The following AGRN variants were observed in gnomAD, a reference collection of about 807,000 sequenced individuals.
AGRN encodes the protein agrin proteoglycan.
Under a neutral mutation model 211.0 loss-of-function variants are expected in AGRN, and 106 were observed. The observed-to-expected ratio is 0.50, with a 90% CI of 0.43 to 0.59. AGRN has a LOEUF of 0.59. AGRN is among the 20% of genes least tolerant of loss of function. The pLI, the probability that AGRN is intolerant of heterozygous loss-of-function variation, is 0.00. For synonymous variants in AGRN, 1,525 were observed against 1,332.5 expected, an observed-to-expected ratio of 1.14 and a Z score of -3.15; for missense variants, 3,040 against 2,982.6, an observed-to-expected ratio of 1.02 and a Z score of -0.45.
At chr1:1,038,665 G>A (rs747065198) in intron 3 of AGRN, among the ~76,000 whole-genome samples, 1 of 152,238 alleles carries the variant, frequency 6.6e-6, no homozygotes, top group South Asian at 2.1e-4. Flanking sequence ...AGGCTCAGGA[G>A]CCCTGGTGCA....
At chr1:1,022,527 TG>T in intron 2 of AGRN, 65 bp downstream of exon 2, 1 of 1,534,952 alleles carries the variant, frequency 6.5e-7, no homozygotes, top group Non-Finnish European at 8.8e-7. Context: ...GGGGACAGGT[TG>T]CAGGGGTCGC....
intron 2 of AGRN, 93 bp downstream of exon 2, chr1:1,022,555 G>A (rs1644431828): frequency 6.5e-6 from 7 of 1,070,932 alleles, no homozygotes; most frequent in African/African-American, 2.0e-5. Context: ...GGGTCCTTTC[G>A]TGCTGTGCCG....
rs1462687668 is a variant in AGRN, at chr1:1,022,553, T to C, written c.463+91T>C. 6 of 1,122,326 alleles carry C rather than the reference T, an allele frequency of 5.3e-6. No individual in the cohort carries two copies. The East Asian group carries it at 1.1e-4, about 21-fold the overall frequency. 69.5% of individuals were successfully genotyped at this position (1,122,326 alleles called of 1,614,324 possible). ...GCAGGGGTCGCTGTGCGGGGTCCTT[T>C]CGTGCTGTGCCGGAGGCTGCAGCAC... On this transcript the variant is annotated intron_variant, in intron 2 of 35. Transcript: ENST00000379370.
intron 2 of AGRN, chr1:1,033,991 T>G: frequency 2.3e-6 from 1 of 444,070 alleles, no homozygotes; most frequent in Non-Finnish European, 3.0e-6. Context: ...TCTTCGCCCC[T>G]CACTCACCTC....
intron 6 of AGRN, 42 bp downstream of exon 6, chr1:1,041,744 G>T: frequency 6.5e-7 from 1 of 1,534,304 alleles, no homozygotes; most frequent in African/African-American, 1.4e-5. Context: ...CAGTGCCAGG[G>T]TCGAGGTGGG....
intron 7 of AGRN, among the ~76,000 whole-genome samples, chr1:1,042,690 G>A (rs1358209686): frequency 6.6e-6 from 1 of 152,190 alleles, no homozygotes; most frequent in African/African-American, 2.4e-5. Flanking sequence ...GTGTCTTCCA[G>A]CCTGACCTGC....
At chr1:1,053,004 C>A (rs553049342) in intron 33 of AGRN, 1 of 179,478 alleles carries the variant, frequency 5.6e-6, no homozygotes, top group African/African-American at 2.4e-5. Flanking sequence ...TGTGTGTGTT[C>A]GTGTACACGT....
chr1:1,050,715 C>A lies in AGRN; in HGVS notation c.5142-11C>A. ...TGGACAGAGCCCACTCACGCTGCCCCTCCTCACCAGGAGCAGGGAGCCAGT... is the reference window on the plus strand; with the variant it reads ...TGGACAGAGCCCACTCACGCTGCCCATCCTCACCAGGAGCAGGGAGCCAGT... On this transcript the variant is annotated splice_polypyrimidine_tract_variant and intron_variant, in intron 29 of 35. Coordinates refer to ENST00000379370, the MANE Select transcript of AGRN (RefSeq NM_198576.4). 6.2e-7 allele frequency: 1 copy of A among 1,600,862 alleles called. No individual in the cohort carries two copies. Among genetic ancestry groups the A allele is most frequent in the Non-Finnish European group, 8.5e-7 (1 of 1,176,156 alleles).
At chr1:1,020,681 A>AG (rs199682825) in intron 1 of AGRN, among the ~76,000 whole-genome samples, 45,273 of 151,540 alleles carry the variant, frequency 0.3, 6,952 homozygotes, top group Non-Finnish European at 0.33. Flanking sequence ...GGGCCTGGGG[A>AG]GGGGGGGCCT....
chr1:1,047,941 C>G (rs1645148550), intron 22 of AGRN, 46 bp downstream of exon 22: 1 of 1,593,654 alleles, frequency 6.3e-7, no homozygotes, highest in East Asian at 2.3e-5. Context: ...CCCTCCTCTG[C>G]CCATGCCCCT....
At chr1:1,052,714 A>G in intron 33 of AGRN, 1 of 147,766 alleles carries the variant, frequency 6.8e-6, no homozygotes. Context: ...GTGTGTGTAT[A>G]TGAGGGAGAC....
At chr1:1,051,416 G>A (rs757032954) in intron 31 of AGRN, 37 bp from the exon 32 acceptor site, 35 of 1,541,818 alleles carry the variant, frequency 2.3e-5, no homozygotes, top group Non-Finnish European at 3.0e-5. Flanking sequence ...GGCGGGCGGG[G>A]TGGCAGGCGG....
At chr1:1,041,441 C>G (rs996731716) in intron 5 of AGRN, 37 bp from the exon 6 acceptor site, 1 of 1,557,514 alleles carries the variant, frequency 6.4e-7, no homozygotes, top group Non-Finnish European at 8.6e-7. Flanking sequence ...TGTGGGCGCG[C>G]GGCGACAGCG....
chr1:1,038,890 C>T (rs567959135), intron 3 of AGRN, among the ~76,000 whole-genome samples: 1 of 152,220 alleles, frequency 6.6e-6, no homozygotes, highest in Admixed American at 6.5e-5. Context: ...AGTGAAAGGG[C>T]CAGGGGTGCA....
At position 1,049,276 on chromosome 1, in the gene AGRN, G is replaced by A. The variant is rs201436229; in HGVS notation, c.4339G>A (p.Val1447Met). 815 of 1,595,508 alleles carry A rather than the reference G, an allele frequency of 5.1e-4. 2 individuals are homozygous for A. Among genetic ancestry groups the A allele is most frequent in the Non-Finnish European group, 6.1e-4 (716 of 1,177,884 alleles). The change falls in exon 25 of 36, where the codon GTG becomes ATG. Residue 1447 changes from valine (V) to methionine (M), a missense_variant. By Grantham distance (21) the Val-to-Met change is conservative. Coordinates refer to ENST00000379370, the MANE Select transcript of AGRN (RefSeq NM_198576.4). ...GSGPAVLTSA[V>M]PVEPGQWHRL... ...GGGGCCGGCGGTGCTGACCAGTGCCGTGCCGGTAGAGCCGGGCCAGTGGCA... is the reference window on the plus strand; with the variant it reads ...GGGGCCGGCGGTGCTGACCAGTGCCATGCCGGTAGAGCCGGGCCAGTGGCA...
chr1:1,042,401 G>A lies in AGRN; in HGVS notation c.1384+239G>A, dbSNP rs533920735. Among the ~76,000 whole-genome samples, 280 of 152,264 alleles carry A rather than the reference G, an allele frequency of 1.8e-3. 2 individuals carry two copies. Among genetic ancestry groups the A allele is most frequent in the African/African-American group, 6.5e-3 (271 of 41,532 alleles). On this transcript the variant is annotated intron_variant, in intron 7 of 35. Transcript: ENST00000379370. Reference sequence around the variant, plus strand: ...CTCCCTGGTCCCTGACCTCAGCCACGCCCTCCCTGGGAGTCCTCTGGCCTG... The same window carrying A: ...CTCCCTGGTCCCTGACCTCAGCCACACCCTCCCTGGGAGTCCTCTGGCCTG...
rs185930198 is a variant in AGRN, at chr1:1,029,915, T to C, written c.464-5362T>C. 1.3e-4 allele frequency among the ~76,000 whole-genome samples: 8 copies of C among 61,690 alleles called. 2 individuals carry two copies. Among genetic ancestry groups the C allele is most frequent in the African/African-American group, 3.9e-4 (7 of 17,986 alleles). The allele number at this position is 61,690 out of a possible 152,430, so 40.5% of individuals were successfully genotyped here. Reference sequence around the variant, plus strand: ...GAGATCAGTGTGTGTGTGTGTGCAGTGCATGGTGCTGTGTGAGATCAGCAT... The same window carrying C: ...GAGATCAGTGTGTGTGTGTGTGCAGCGCATGGTGCTGTGTGAGATCAGCAT... On this transcript the variant is annotated intron_variant, in intron 2 of 35. Coordinates refer to ENST00000379370, the MANE Select transcript of AGRN (RefSeq NM_198576.4).
Position 1,044,358 on chromosome 1 carries a change from T to C in AGRN, c.2173T>C (p.Tyr725His), listed in dbSNP as rs754737851. Reference protein sequence around the residue: ...SPVCGSDGVTYSTECELKKAR... With the variant: ...SPVCGSDGVTHSTECELKKAR... The stretch of plus-strand genomic sequence containing the variant: ...GGTGTGCGGCTCAGATGGGGTCACC[T>C]ACAGCACCGAGTGTGAGCTGAAGAA... The change falls in exon 12 of 36, where the codon TAC (tyrosine) becomes CAC (histidine). Residue 725 changes from tyrosine (Y) to histidine (H), a missense_variant. Tyr to His is a moderately conservative substitution (Grantham distance 83). Around this residue, in one of 3 missense-constraint regions of AGRN, gnomAD observed 1,498 missense variants for 1,457.8 expected, o/e 1.03. Coordinates refer to ENST00000379370, the MANE Select transcript of AGRN (RefSeq NM_198576.4). 2.5e-6 allele frequency: 4 copies of C among 1,612,600 alleles called. No homozygotes were observed. In the East Asian group the frequency reaches 8.9e-5, roughly 36 times the overall value.
rs2100705658 is a variant in AGRN, at chr1:1,055,226, C to G, written c.*245C>G. The G allele has an allele frequency of 1.6e-6, 1 of 612,548 alleles. No homozygotes were observed. The highest frequency in any genetic ancestry group is 3.1e-5 in the East Asian group (1 of 32,086). 37.9% of individuals were successfully genotyped at this position (612,548 alleles called of 1,614,324 possible). On this transcript the variant is annotated 3_prime_UTR_variant, in exon 36 of 36. Transcript: ENST00000379370. ...CACCCCTGCCTCAAGGTGCTGAGCC[C>G]CCGCCTTGCACTGCGCCTGCCCCAC...
Sources: allele counts gnomAD v4.1 joint callset (sites outside exome capture counted in the v4.1 genomes callset), GRCh38; gene constraint gnomAD v4.1.1; regional missense constraint gnomAD v4.1.1; transcripts MANE v1.5; gene names NCBI Gene and HGNC (gene_info 2026-07-23, HGNC 2026-07-21).